Variants in PIGK observed in about 807,000 individuals in gnomAD.
The protein encoded by PIGK is phosphatidylinositol glycan anchor biosynthesis class K.
A neutral mutation model predicts 50.6 loss-of-function variants in PIGK; 42 were observed. The observed-to-expected ratio is 0.83, with a 90% CI of 0.65 to 1.07. PIGK has a LOEUF of 1.07. Among genes scored for constraint, PIGK ranks in the 50% least tolerant of loss-of-function variants. The pLI is 0.00. For synonymous variants in PIGK, 151 were observed against 156.0 expected (o/e 0.97, Z 0.24); for missense variants, 448 against 488.7 (o/e 0.92, Z 0.78).
chr1:77,182,540 AC>A (rs1247740612), intron 3 of PIGK, among the ~76,000 whole-genome samples: 2 of 152,144 alleles, frequency 1.3e-5, no homozygotes, highest in Non-Finnish European at 2.9e-5. Context: ...ACACACACAC[AC>A]ACACACACAT....
At chr1:77,180,743 G>A (rs1182130855) in intron 3 of PIGK, among the ~76,000 whole-genome samples, 3 of 152,074 alleles carry the variant, frequency 2.0e-5, no homozygotes, top group Non-Finnish European at 4.4e-5. Flanking sequence ...GTCATAGGTA[G>A]ATAAGAGACA....
intron 3 of PIGK, chr1:77,194,901 G>C (rs1470331276): frequency 6.1e-6 from 3 of 491,318 alleles, no homozygotes; most frequent in Non-Finnish European, 1.2e-5. Context: ...CAGGGAACCA[G>C]GTGGTCAAAT....
At chr1:77,099,169 C>T (rs1653488003) in intron 10 of PIGK, among the ~76,000 whole-genome samples, 1 of 151,886 alleles carries the variant, frequency 6.6e-6, no homozygotes, top group South Asian at 2.1e-4. Flanking sequence ...AAAATATTTT[C>T]AAATAATTTT....
chr1:77,091,541 TAGA>T lies in PIGK; in HGVS notation c.*830_*832del, dbSNP rs1653298104. 6.6e-6 allele frequency: 1 copy of T among 152,174 alleles called. No individual in the cohort carries two copies. 9.4% of individuals were successfully genotyped at this position (152,174 alleles called of 1,614,324 possible). A position where few individuals can be genotyped will look rare whatever the true frequency, so the allele number is the denominator to read the frequency against. Reference sequence around the variant, plus strand: ...AAAATGAAGAGGACGTGACCAATTGTAGAAGATCACAGAACGCTTACAAATGAA... The same window carrying T: ...AAAATGAAGAGGACGTGACCAATTGTAGATCACAGAACGCTTACAAATGAA... On this transcript the variant is annotated 3_prime_UTR_variant, in exon 11 of 11. Transcript: ENST00000370812.
At chr1:77,093,286 C>G (rs1240115378) in intron 10 of PIGK, among the ~76,000 whole-genome samples, 3 of 152,056 alleles carry the variant, frequency 2.0e-5, no homozygotes, top group Non-Finnish European at 4.4e-5. Context: ...CCCCACCCCA[C>G]AAGTGTCACG....
chr1:77,122,781 A>C (rs1654131522), intron 9 of PIGK, among the ~76,000 whole-genome samples: 1 of 152,170 alleles, frequency 6.6e-6, no homozygotes, highest in South Asian at 2.1e-4. Context: ...GCCAAACCCC[A>C]TTGGGACTTG....
intron 10 of PIGK, among the ~76,000 whole-genome samples, chr1:77,113,476 TCCA>T (rs1653898754): frequency 6.6e-6 from 1 of 152,084 alleles, no homozygotes; most frequent in Non-Finnish European, 1.5e-5. Flanking sequence ...GTATTCAAGG[TCCA>T]CTCATAAGTT....
chr1:77,158,945 T>C (rs1462202582), intron 8 of PIGK, among the ~76,000 whole-genome samples: 1 of 152,028 alleles, frequency 6.6e-6, no homozygotes, highest in Non-Finnish European at 1.5e-5. Flanking sequence ...CTGCAGAAAT[T>C]TGCTAAGTAA....
chr1:77,206,568 C>A, intron 3 of PIGK, 72 bp downstream of exon 3: 8 of 845,216 alleles, frequency 9.5e-6, no homozygotes, highest in South Asian at 5.1e-5. Flanking sequence ...ACACAAAATA[C>A]AAATATAATA....
chr1:77,154,039 TACTC>T (rs1293548961), intron 9 of PIGK: 3 of 198,680 alleles, frequency 1.5e-5, no homozygotes, highest in African/African-American at 6.9e-5. Context: ...CAAATGTCTG[TACTC>T]ACTCACTGCT....
chr1:77,215,968 C>T (rs1055641848), intron 1 of PIGK, among the ~76,000 whole-genome samples: 5 of 151,998 alleles, frequency 3.3e-5, no homozygotes, highest in Admixed American at 6.6e-5. Context: ...GAGAGACATT[C>T]GTTAACAGAT....
intron 9 of PIGK, among the ~76,000 whole-genome samples, chr1:77,123,339 A>G (rs1654146464): frequency 6.6e-6 from 1 of 152,174 alleles, no homozygotes; most frequent in Admixed American, 6.5e-5. Flanking sequence ...AATAAATGAA[A>G]CAAGATTGGC....
Position 77,163,956 on chromosome 1 carries a change from TA to T in PIGK, c.488-15del, listed in dbSNP as rs1443143721. 6.9e-7 allele frequency: 1 copy of T among 1,448,692 alleles called. No homozygotes were observed. The allele number at this position is 1,448,692 out of a possible 1,614,324, so 89.7% of individuals were successfully genotyped here. The stretch of plus-strand genomic sequence containing the variant: ...TTCCACCATGCCCTTGTATAAAGAG[TA>T]AAAAAGATCAATAGATTTTTTAATG... On this transcript the variant is annotated splice_polypyrimidine_tract_variant and intron_variant, in intron 5 of 10. Transcript: ENST00000370812.
rs1453975596 is a variant in PIGK at position 77,090,868 on chromosome 1, G to A, written c.*1506C>T. The stretch of plus-strand genomic sequence containing the variant: ...AAAGATCAATTAAAATAAAGATTCA[G>A]AGCTGGCAAAAAGCCTCAATATCAT... On this transcript the variant is annotated 3_prime_UTR_variant, in exon 11 of 11. Transcript: ENST00000370812. 5 of 152,084 alleles carry A rather than the reference G, an allele frequency of 3.3e-5. No individual in the cohort carries two copies. The highest frequency in any genetic ancestry group is 9.7e-5 in the African/African-American group (4 of 41,428). 9.4% of individuals were successfully genotyped at this position (152,084 alleles called of 1,614,324 possible). A position where few individuals can be genotyped will look rare whatever the true frequency, so the allele number is the denominator to read the frequency against.
intron 3 of PIGK, among the ~76,000 whole-genome samples, chr1:77,190,921 A>T (rs1458368767): frequency 6.6e-6 from 1 of 152,184 alleles, no homozygotes; most frequent in Non-Finnish European, 1.5e-5. Context: ...AATGTTAATC[A>T]GTCTTCCAAT....
intron 1 of PIGK, among the ~76,000 whole-genome samples, chr1:77,216,039 G>A (rs1282406653): frequency 6.6e-6 from 1 of 152,062 alleles, no homozygotes; most frequent in African/African-American, 2.4e-5. Flanking sequence ...AGTAACTATA[G>A]TAAACAATAA....
intron 3 of PIGK, among the ~76,000 whole-genome samples, chr1:77,200,201 C>A (rs1201707807): frequency 6.6e-6 from 1 of 151,934 alleles, no homozygotes; most frequent in African/African-American, 2.4e-5. Flanking sequence ...GGACTAGAAG[C>A]AGGGAATAAA....
In PIGK at chr1:77,219,424, C is replaced by A. The variant is rs760666794; in HGVS notation, c.-22G>T. On this transcript the variant is annotated 5_prime_UTR_variant, in exon 1 of 11. Coordinates refer to ENST00000370812, the MANE Select transcript of PIGK (RefSeq NM_005482.3). ...CCATGTTTACCGGCTTCAGACTTCC[C>A]GCACCTGAAGGGGCGGAGGCAGTGC... is the stretch of plus-strand genomic sequence containing the variant. The A allele has an allele frequency of 1.2e-6, 2 of 1,605,892 alleles. No individual in the cohort carries two copies. The highest frequency in any genetic ancestry group is 1.3e-5 in the African/African-American group (1 of 74,826).
intron 10 of PIGK, among the ~76,000 whole-genome samples, chr1:77,107,842 C>A (rs1313606045): frequency 3.3e-5 from 5 of 152,158 alleles, no homozygotes; most frequent in South Asian, 4.2e-4. Flanking sequence ...ACCATTATGT[C>A]ATGGCCTTCT....
Sources: allele counts gnomAD v4.1 joint callset (sites outside exome capture counted in the v4.1 genomes callset), GRCh38; gene constraint gnomAD v4.1.1; transcripts MANE v1.5; gene names NCBI Gene and HGNC (gene_info 2026-07-23, HGNC 2026-07-21).